BANK1: variants seen among roughly 807,000 people sequenced by gnomAD.
BANK1 encodes B cell scaffold protein with ankyrin repeats 1.
Under a neutral mutation model 94.5 loss-of-function variants are expected in BANK1, and 95 were observed. The ratio of observed to expected loss-of-function variants is 1.00; its 90% CI spans 0.85 to 1.19. The LOEUF (loss-of-function observed/expected upper bound fraction) is 1.19, where lower values mean the gene tolerates loss of function less well. Ranked by LOEUF, BANK1 falls within the 50% of genes most tolerant of loss-of-function variation. BANK1 has a pLI of 0.00. For missense variants in BANK1, 987 were observed against 932.2 expected, an observed-to-expected ratio of 1.06 and a Z score of -0.77; for synonymous variants, 334 against 308.4, an observed-to-expected ratio of 1.08 and a Z score of -0.87.
rs1429835640 is a variant in BANK1, at chr4:101,918,087, A to T, written c.1104A>T (p.Ala368=). 1 of 1,612,292 alleles carries T rather than the reference A, an allele frequency of 6.2e-7. No individual in the cohort carries two copies. The highest frequency in any genetic ancestry group is 1.1e-5 in the South Asian group (1 of 90,946). The change falls in exon 7 of 17, where the codon GCA becomes GCT. Residue 368 remains alanine, a synonymous_variant. Transcript: ENST00000322953. ...LAIHLLQCSG[A]TWASKMKNME... is the part of the protein sequence containing the mutation. ...TTCATTTGCTTCAATGTTCAGGAGC[A>T]ACCTGGGCATCTAAGATGAAAAATA...
intron 3 of BANK1, 82 bp downstream of exon 3, chr4:101,855,271 G>T: frequency 2.2e-6 from 3 of 1,366,994 alleles, no homozygotes; most frequent in Admixed American, 2.1e-5. Flanking sequence ...GAGAGACAGG[G>T]TCTCATTAGG....
At chr4:102,030,533 A>G (rs1463471577) in intron 10 of BANK1, among the ~76,000 whole-genome samples, 1 of 151,828 alleles carries the variant, frequency 6.6e-6, no homozygotes, top group African/African-American at 2.4e-5. Flanking sequence ...TGCTGTACCC[A>G]TCAACCCGTC....
chr4:101,832,133 TTGTC>T (rs1726646160), intron 2 of BANK1, among the ~76,000 whole-genome samples: 1 of 152,230 alleles, frequency 6.6e-6, no homozygotes, highest in Non-Finnish European at 1.5e-5. Flanking sequence ...AAGGTAGAGT[TTGTC>T]TGAGGACAGT....
At chr4:101,809,862 A>G (rs1725683208) in intron 1 of BANK1, among the ~76,000 whole-genome samples, 1 of 152,208 alleles carries the variant, frequency 6.6e-6, no homozygotes, top group South Asian at 2.1e-4. Flanking sequence ...AGACAGAACA[A>G]TGGTACCTCA....
intron 7 of BANK1, among the ~76,000 whole-genome samples, chr4:101,919,622 C>T (rs1722936934): frequency 1.3e-5 from 2 of 151,958 alleles, no homozygotes; most frequent in Admixed American, 1.3e-4. Flanking sequence ...TTCGTAGTCG[C>T]TGCATTCTAA....
At chr4:101,797,884 A>T (rs1481052458) in intron 1 of BANK1, among the ~76,000 whole-genome samples, 1 of 152,216 alleles carries the variant, frequency 6.6e-6, no homozygotes. Context: ...CATTGTATTT[A>T]AAACTACAAC....
intron 2 of BANK1, among the ~76,000 whole-genome samples, chr4:101,840,858 T>C (rs1328564838): frequency 2.6e-5 from 4 of 152,158 alleles, no homozygotes; most frequent in Admixed American, 6.5e-5. Context: ...TCAGCATATT[T>C]TGAGTGAGGG....
chr4:101,841,635 A>G (rs923851847), intron 2 of BANK1, among the ~76,000 whole-genome samples: 1 of 151,588 alleles, frequency 6.6e-6, no homozygotes, highest in Non-Finnish European at 1.5e-5. Context: ...TATTATTATT[A>G]TTATTATACT....
At chr4:101,795,243 A>G (rs1038845805) in intron 1 of BANK1, among the ~76,000 whole-genome samples, 1 of 152,144 alleles carries the variant, frequency 6.6e-6, no homozygotes, top group Admixed American at 6.5e-5. Flanking sequence ...CTTTGAATTC[A>G]TATGAAATGG....
chr4:101,941,831 G>C (rs1288889663), intron 7 of BANK1, among the ~76,000 whole-genome samples: 2 of 151,722 alleles, frequency 1.3e-5, no homozygotes, highest in Non-Finnish European at 2.9e-5. Flanking sequence ...ATTGAGTACT[G>C]CTATAGTTTC....
intron 13 of BANK1, among the ~76,000 whole-genome samples, chr4:102,066,718 G>A (rs1728606667): frequency 6.6e-6 from 1 of 152,078 alleles, no homozygotes; most frequent in Non-Finnish European, 1.5e-5. Flanking sequence ...AAGGTGAAGG[G>A]ATATTAACAA....
chr4:102,021,182 T>C (rs879727555), intron 7 of BANK1, among the ~76,000 whole-genome samples: 10 of 152,080 alleles, frequency 6.6e-5, no homozygotes, highest in Non-Finnish European at 8.8e-5. Flanking sequence ...GAAGAAAAGC[T>C]CATAGTTTTC....
intron 7 of BANK1, among the ~76,000 whole-genome samples, chr4:101,952,569 A>G (rs1178328885): frequency 1.3e-5 from 2 of 152,160 alleles, no homozygotes; most frequent in East Asian, 1.9e-4. Flanking sequence ...TGCTTGGCAT[A>G]TGATTATAAT....
At chr4:102,041,603 G>T (rs1453595012) in intron 10 of BANK1, among the ~76,000 whole-genome samples, 1 of 152,010 alleles carries the variant, frequency 6.6e-6, no homozygotes, top group African/African-American at 2.4e-5. Flanking sequence ...GGTAAAGCAG[G>T]TAGAGGGAAC....
intron 11 of BANK1, among the ~76,000 whole-genome samples, chr4:102,044,897 A>C (rs1447822985): frequency 1.6e-5 from 2 of 125,456 alleles, no homozygotes; most frequent in African/African-American, 6.2e-5. Flanking sequence ...TTTTCTTGTA[A>C]ATTTGTTTGA....
intron 9 of BANK1, among the ~76,000 whole-genome samples, chr4:102,028,692 CATATT>C (rs1162526462): frequency 1.3e-5 from 2 of 152,100 alleles, no homozygotes; most frequent in Non-Finnish European, 2.9e-5. Flanking sequence ...TTAATCAAAG[CATATT>C]ATATCTGTTA....
In BANK1 at chr4:101,790,969, G is replaced by C; in HGVS notation, c.70+19G>C. The C allele has an allele frequency of 6.7e-7, 1 of 1,486,872 alleles. No individual in the cohort carries two copies. Among genetic ancestry groups the C allele is most frequent in the Middle Eastern group, 2.0e-4 (1 of 5,032 alleles). 92.1% of individuals were successfully genotyped at this position (1,486,872 alleles called of 1,614,324 possible). On this transcript the variant is annotated intron_variant, in intron 1 of 16. Transcript: ENST00000322953. Reference sequence around the variant, plus strand: ...CCCCCAGGTGGGTAGTCGCGCATTCGGAGGGGCTTGACGCCGAGGCCGGGC... The same window carrying C: ...CCCCCAGGTGGGTAGTCGCGCATTCCGAGGGGCTTGACGCCGAGGCCGGGC...
chr4:101,862,590 TTAC>T lies in BANK1; in HGVS notation c.690_692del (p.Phe230_Thr231delinsLeu). The T allele has an allele frequency of 6.2e-7, 1 of 1,611,580 alleles. No individual in the cohort carries two copies. Among genetic ancestry groups the T allele is most frequent in the Non-Finnish European group, 8.5e-7 (1 of 1,178,644 alleles). On this transcript the variant is annotated inframe_deletion, in exon 4 of 17. Transcript: ENST00000322953. ...ATTGGTGATACTGTAGAGGTTGAAT[TTAC>T]ATCAAGTAATAAGCGCATTAGAACA...
intron 7 of BANK1, among the ~76,000 whole-genome samples, chr4:101,934,797 C>A (rs923207): frequency 0.37 from 55,723 of 151,272 alleles, 10,895 homozygotes; most frequent in Non-Finnish European, 0.43. Flanking sequence ...TTTCAAAACA[C>A]TTTTACTAGG....
Sources: gnomAD v4.1 joint callset for allele counts (sites outside exome capture counted in the v4.1 genomes callset) on GRCh38, gnomAD v4.1.1 for gene constraint, MANE v1.5 for transcripts, NCBI Gene and HGNC (gene_info 2026-07-23, HGNC 2026-07-21) for gene names.